VWDE: variants seen among roughly 807,000 people sequenced by gnomAD.
VWDE encodes von Willebrand factor D and EGF domain-containing protein.
A neutral mutation model predicts 178.4 loss-of-function variants in VWDE; 207 were observed. That is an observed-to-expected ratio of 1.16 (90% CI 1.04 to 1.30). The LOEUF (loss-of-function observed/expected upper bound fraction) is 1.30, where lower values mean the gene tolerates loss of function less well. Among genes scored for constraint, VWDE ranks in the 50% most tolerant of loss-of-function variants. The pLI, the probability that VWDE is intolerant of heterozygous loss-of-function variation, is 0.00. For synonymous variants in VWDE, 738 were observed against 651.4 expected, an observed-to-expected ratio of 1.13 and a Z score of -2.02; for missense variants, 2,287 against 1,901.3, an observed-to-expected ratio of 1.20 and a Z score of -3.77.
chr7:12,333,325 A>C, intron 28 of VWDE, 140 bp downstream of exon 28: 1 of 606,902 alleles, frequency 1.6e-6, no homozygotes, highest in East Asian at 3.0e-5. Context: ...AAATGATACA[A>C]TTTTTAATTT....
In VWDE at chr7:12,341,778, G is replaced by A. The variant is rs144999022; in HGVS notation, c.4270+281C>T. Among the ~76,000 whole-genome samples, 544 of 152,196 alleles carry A rather than the reference G, an allele frequency of 3.6e-3. 4 individuals are homozygous for A. Among genetic ancestry groups the A allele is most frequent in the Middle Eastern group, 0.014 (4 of 294 alleles). On this transcript the variant is annotated intron_variant, in intron 23 of 28. Transcript: ENST00000275358. ...AAAAGAAACCTAGAAGATTCAACAC[G>A]TTTCTCTTCACCACAAGGTAGGTGA...
chr7:12,387,674 C>G (rs767085068), intron 3 of VWDE, among the ~76,000 whole-genome samples: 32 of 152,078 alleles, frequency 2.1e-4, no homozygotes, highest in Non-Finnish European at 4.3e-4. Flanking sequence ...TACTTGTTTG[C>G]TATAATTGTG....
Position 12,342,088 on chromosome 7 carries a change from G to C in VWDE, c.4241C>G (p.Pro1414Arg). Reference protein sequence around the residue: ...CLTPDICQCKPGWYGPTCSTA... With the variant: ...CLTPDICQCKRGWYGPTCSTA... ...ACTACAGGTGGGTCCATACCAGCCA[G>C]GTTTGCACTGGCAAATATCTGGTGT... Residue 1414 changes from proline (P) to arginine (R), a missense_variant, in exon 23 of 29, where the codon CCT becomes CGT. Pro to Arg is a moderately radical substitution (Grantham distance 103). Coordinates refer to ENST00000275358, the MANE Select transcript of VWDE (RefSeq NM_001135924.3). The C allele has an allele frequency of 6.4e-7, 1 of 1,551,192 alleles. No individual in the cohort carries two copies. The highest frequency in any genetic ancestry group is 8.7e-7 in the Non-Finnish European group (1 of 1,146,874).
intron 28 of VWDE, among the ~76,000 whole-genome samples, chr7:12,332,076 G>A (rs1780753138): frequency 6.6e-6 from 1 of 152,054 alleles, no homozygotes. Context: ...AAGGGATGGA[G>A]TTGGAGAAGG....
chr7:12,389,447 C>T, intron 2 of VWDE, 89 bp from the exon 3 acceptor site: 1 of 929,268 alleles, frequency 1.1e-6, no homozygotes, highest in Non-Finnish European at 1.6e-6. Context: ...TCTAATCAAG[C>T]CTTAAAATAT....
At position 12,402,962 on chromosome 7, in the gene VWDE, T is replaced by C. The variant is rs1214138844; in HGVS notation, c.58+697A>G. ...CTTGCAATATAAGAACAAGTCACCT[T>C]TCATTAATATTCCTATCTGTATGAA... On this transcript the variant is annotated intron_variant, in intron 1 of 28. Coordinates refer to ENST00000275358, the MANE Select transcript of VWDE (RefSeq NM_001135924.3). Among the ~76,000 whole-genome samples the C allele has an allele frequency of 9.2e-5, 14 of 152,290 alleles. No homozygotes were observed. The East Asian group carries it at 2.7e-3, about 29-fold the overall frequency.
intron 5 of VWDE, 72 bp downstream of exon 5, chr7:12,380,414 T>C: frequency 6.7e-7 from 1 of 1,501,226 alleles, no homozygotes; most frequent in Non-Finnish European, 8.9e-7. Context: ...ATTTTTTGGA[T>C]ATGATGTTTA....
intron 3 of VWDE, among the ~76,000 whole-genome samples, chr7:12,388,145 A>G (rs534864064): frequency 8.3e-4 from 127 of 152,174 alleles, no homozygotes; most frequent in South Asian, 2.1e-3. Context: ...TAATTTTGAC[A>G]TTTTTGAACA....
intron 18 of VWDE, among the ~76,000 whole-genome samples, chr7:12,354,953 G>A (rs561013670): frequency 3.3e-5 from 5 of 152,272 alleles, no homozygotes; most frequent in Non-Finnish European, 7.4e-5. Flanking sequence ...TTGAGTTGAT[G>A]TGGTGCTCTT....
At chr7:12,355,995 A>G (rs1782221314) in intron 18 of VWDE, 116 bp downstream of exon 18, 2 of 801,492 alleles carry the variant, frequency 2.5e-6, no homozygotes, top group Non-Finnish European at 3.9e-6. Context: ...AACTTTTATT[A>G]AAATTGTAAA....
chr7:12,372,088 T>A (rs953767744), intron 10 of VWDE, among the ~76,000 whole-genome samples: 1 of 152,132 alleles, frequency 6.6e-6, no homozygotes, highest in Non-Finnish European at 1.5e-5. Flanking sequence ...CCTTTATTTA[T>A]CTATTTGACT....
intron 19 of VWDE, among the ~76,000 whole-genome samples, chr7:12,347,036 A>G (rs750925802): frequency 6.6e-6 from 1 of 152,196 alleles, no homozygotes; most frequent in Non-Finnish European, 1.5e-5. Flanking sequence ...TAATAGAAAC[A>G]AGAGTGCACC....
chr7:12,394,056 C>T (rs1273293209), intron 1 of VWDE, among the ~76,000 whole-genome samples: 1 of 152,080 alleles, frequency 6.6e-6, no homozygotes, highest in Non-Finnish European at 1.5e-5. Context: ...ATTCGAACAA[C>T]CAATAGAGCT....
rs1225680626 is a variant in VWDE at position 12,337,210 on chromosome 7, G to A, written c.4429C>T (p.Arg1477Cys). The change falls in exon 25 of 29, where the codon CGT becomes TGT. Residue 1477 changes from arginine (R) to cysteine (C), a missense_variant. Physicochemically the swap from Arg to Cys is radical, Grantham distance 180. Transcript: ENST00000275358. ...HCMRNNVCVC[R>C]EGYTGRRFQK... is the part of the protein sequence containing the mutation. Reference sequence around the variant, plus strand: ...AATCTCCTACCAGTGTATCCTTCACGACAGACGCACACATTATTTCTCATG... The same window carrying A: ...AATCTCCTACCAGTGTATCCTTCACAACAGACGCACACATTATTTCTCATG... The A allele has an allele frequency of 1.7e-5, 26 of 1,551,908 alleles. No individual in the cohort carries two copies. The highest frequency in any genetic ancestry group is 7.1e-5 in the South Asian group (6 of 84,048).
intron 13 of VWDE, among the ~76,000 whole-genome samples, chr7:12,366,978 C>G (rs896858969): frequency 6.6e-6 from 1 of 151,876 alleles, no homozygotes; most frequent in Non-Finnish European, 1.5e-5. Flanking sequence ...GCAATTAGTC[C>G]TCATTTTTTG....
chr7:12,349,767 T>C (rs1220111163), intron 19 of VWDE, among the ~76,000 whole-genome samples: 1 of 151,810 alleles, frequency 6.6e-6, no homozygotes, highest in African/African-American at 2.4e-5. Flanking sequence ...GCAACTTCTA[T>C]CTAGGAAAAA....
At chr7:12,333,655 T>TGTCCAATCACCA in intron 27 of VWDE, 87 bp from the exon 28 acceptor site, 1 of 828,602 alleles carries the variant, frequency 1.2e-6, no homozygotes, top group Non-Finnish European at 2.0e-6. Flanking sequence ...GGCTATCTGG[T>TGTCCAATCACCA]GATTGGACAC....
intron 4 of VWDE, 150 bp downstream of exon 4, chr7:12,383,386 G>T (rs753434548): frequency 1.6e-6 from 1 of 639,316 alleles, no homozygotes. Context: ...TTAAAGGCAC[G>T]ATAAAGTTAT....
Position 12,333,569 on chromosome 7 carries a change from C to G in VWDE, c.4655-1G>C. The G allele has an allele frequency of 6.5e-7, 1 of 1,545,348 alleles. No homozygotes were observed. The highest frequency in any genetic ancestry group is 8.8e-7 in the Non-Finnish European group (1 of 1,141,498). On this transcript the variant is annotated splice_acceptor_variant, in intron 27 of 28. Coordinates refer to ENST00000275358, the MANE Select transcript of VWDE (RefSeq NM_001135924.3). LOFTEE classifies it high-confidence loss of function. ...TAAAGACATTTTGGGTTGCAAATTGCTGCAATACACAAATTTTTACAATGA... is the reference window on the plus strand; with the variant it reads ...TAAAGACATTTTGGGTTGCAAATTGGTGCAATACACAAATTTTTACAATGA...
Sources: gnomAD v4.1 joint callset for allele counts (sites outside exome capture counted in the v4.1 genomes callset) on GRCh38, gnomAD v4.1.1 for gene constraint, MANE v1.5 for transcripts, NCBI Gene and HGNC (gene_info 2026-07-23, HGNC 2026-07-21) for gene names.